The following MANBA variants were observed in gnomAD, a reference collection of about 807,000 sequenced individuals.
The protein encoded by MANBA is mannosidase beta.
Under a neutral mutation model 111.1 loss-of-function variants are expected in MANBA, and 83 were observed. The observed-to-expected ratio is 0.75, with a 90% confidence interval of 0.63 to 0.90. The LOEUF (loss-of-function observed/expected upper bound fraction) is 0.90. Among genes scored for constraint, MANBA ranks in the 40% least tolerant of loss-of-function variants. The pLI is 0.00. For missense variants in MANBA, 1,036 were observed against 1,069.0 expected, an observed-to-expected ratio of 0.97 and a Z score of 0.43; for synonymous variants, 370 against 378.7, an observed-to-expected ratio of 0.98 and a Z score of 0.27.
chr4:102,689,417 C>G (rs928917833), intron 7 of MANBA, among the ~76,000 whole-genome samples, 157 bp downstream of exon 7: 3 of 149,966 alleles, frequency 2.0e-5, no homozygotes, highest in African/African-American at 7.3e-5. Context: ...TATACACACA[C>G]AGAGAGAGAA....
intron 13 of MANBA, among the ~76,000 whole-genome samples, chr4:102,643,251 A>G (rs1729959372): frequency 6.6e-6 from 1 of 152,170 alleles, no homozygotes; most frequent in African/African-American, 2.4e-5. Context: ...TTATTTCTGA[A>G]TAATATTTTA....
At chr4:102,674,860 A>C (rs1248587280) in intron 7 of MANBA, among the ~76,000 whole-genome samples, 1 of 152,262 alleles carries the variant, frequency 6.6e-6, no homozygotes, top group Non-Finnish European at 1.5e-5. Flanking sequence ...GCCTAGCCTT[A>C]AGCCAAAAGC....
At chr4:102,680,540 G>T (rs1430003442) in intron 7 of MANBA, among the ~76,000 whole-genome samples, 2 of 151,366 alleles carry the variant, frequency 1.3e-5, no homozygotes, top group Non-Finnish European at 2.9e-5. Flanking sequence ...TCCCATCAAT[G>T]AGGTGAGATG....
chr4:102,751,890 G>A, intron 1 of MANBA: 1 of 593,260 alleles, frequency 1.7e-6, no homozygotes, highest in Non-Finnish European at 3.3e-6. Context: ...TGCCTCTATG[G>A]ATCCAACTAT....
intron 12 of MANBA, among the ~76,000 whole-genome samples, chr4:102,653,644 A>T (rs1730438660): frequency 6.6e-6 from 1 of 152,198 alleles, no homozygotes; most frequent in South Asian, 2.1e-4. Context: ...AAATCAAGAG[A>T]TAACAAATGA....
chr4:102,747,573 CATTCA>C (rs1723635969), intron 1 of MANBA, among the ~76,000 whole-genome samples: 1 of 152,186 alleles, frequency 6.6e-6, no homozygotes, highest in South Asian at 2.1e-4. Flanking sequence ...CACAATGTTT[CATTCA>C]GAAGCTATAG....
At chr4:102,736,292 T>C (rs1224242066) in intron 1 of MANBA, among the ~76,000 whole-genome samples, 1 of 152,214 alleles carries the variant, frequency 6.6e-6, no homozygotes, top group Non-Finnish European at 1.5e-5. Flanking sequence ...ATGCCGTGTG[T>C]GCCTCGGCTA....
At chr4:102,731,170 C>T (rs139023426) in intron 1 of MANBA, among the ~76,000 whole-genome samples, 1 of 151,780 alleles carries the variant, frequency 6.6e-6, no homozygotes, top group African/African-American at 2.4e-5. Flanking sequence ...AAGTAAATTG[C>T]CTTGCTGAAA....
Position 102,760,947 on chromosome 4 carries a change from G to T in MANBA, c.-53C>A, listed in dbSNP as rs1302921510. On this transcript the variant is annotated 5_prime_UTR_variant, in exon 1 of 17. Transcript: ENST00000647097. ...GAGAGATCGAAAGGCAGCGCTGCAA[G>T]GGACCGGCGGTGAAGCCACTCACCC... The T allele has an allele frequency of 6.6e-6, 10 of 1,510,008 alleles. No homozygotes were observed. Among genetic ancestry groups the T allele is most frequent in the African/African-American group, 1.4e-5 (1 of 72,668 alleles). 93.5% of individuals were successfully genotyped at this position (1,510,008 alleles called of 1,614,324 possible).
intron 5 of MANBA, among the ~76,000 whole-genome samples, chr4:102,695,713 T>C (rs1212985005): frequency 1.3e-5 from 2 of 152,122 alleles, no homozygotes; most frequent in Non-Finnish European, 2.9e-5. Flanking sequence ...CTCTCGACTT[T>C]CCATGAGCCT....
intron 13 of MANBA, among the ~76,000 whole-genome samples, chr4:102,642,889 T>C (rs1318371506): frequency 6.6e-6 from 1 of 152,124 alleles, no homozygotes; most frequent in East Asian, 1.9e-4. Context: ...TCCCTCAATA[T>C]CTATATACTT....
At position 102,634,881 on chromosome 4, in the gene MANBA, G is replaced by A; in HGVS notation, c.2322C>T (p.Tyr774=). The change falls in exon 16 of 17, where the codon TAC becomes TAT. Residue 774 remains tyrosine (Y), a synonymous_variant. Transcript: ENST00000647097. The part of the protein sequence containing the change: ...CTRESCVVSF[Y]LSADHELLSP... ...TCAGGAGTTCATGGTCAGCTGAAAG[G>A]TAAAAGGAAACCACACAGCTTTCCC... is the stretch of plus-strand genomic sequence containing the variant. 6.2e-7 allele frequency: 1 copy of A among 1,614,204 alleles called. No homozygotes were observed. Among genetic ancestry groups the A allele is most frequent in the Admixed American group, 1.7e-5 (1 of 60,024 alleles).
In MANBA at chr4:102,709,305, AG is replaced by A. The variant is rs752349160; in HGVS notation, c.673+5132del. Among the ~76,000 whole-genome samples, 153 of 137,938 alleles carry A rather than the reference AG, an allele frequency of 1.1e-3. 2 individuals are homozygous for A. The highest frequency in any genetic ancestry group is 2.5e-3 in the African/African-American group (84 of 33,256). 90.5% of individuals were successfully genotyped at this position (137,938 alleles called of 152,430 possible). On this transcript the variant is annotated intron_variant, in intron 5 of 16. Coordinates refer to ENST00000647097, the MANE Select transcript of MANBA (RefSeq NM_005908.4). The stretch of plus-strand genomic sequence containing the variant: ...AAGAAAGGAAGGAAGGAAGGAAGGA[AG>A]GAAGGAAGAAAAGAAAAGAAAAAGA...
At chr4:102,648,761 A>G (rs747253065) in intron 13 of MANBA, among the ~76,000 whole-genome samples, 1 of 152,164 alleles carries the variant, frequency 6.6e-6, no homozygotes, top group Non-Finnish European at 1.5e-5. Context: ...AAAATCCAGC[A>G]AGGTGCATGC....
chr4:102,639,909 C>T, intron 13 of MANBA, 52 bp from the exon 14 acceptor site: 1 of 1,599,350 alleles, frequency 6.3e-7, no homozygotes, highest in Non-Finnish European at 8.6e-7. Context: ...TGTAGACTGC[C>T]TAGATCTGAG....
At chr4:102,700,960 G>A (rs1289788349) in intron 5 of MANBA, among the ~76,000 whole-genome samples, 2 of 151,954 alleles carry the variant, frequency 1.3e-5, no homozygotes, top group African/African-American at 2.4e-5. Context: ...ACAGTGGGGT[G>A]TTAAAGTCTC....
chr4:102,685,601 T>C (rs185620988), intron 7 of MANBA, among the ~76,000 whole-genome samples: 2 of 152,160 alleles, frequency 1.3e-5, no homozygotes, highest in Non-Finnish European at 2.9e-5. Flanking sequence ...ACTACCTCCC[T>C]GCTTTCTAAC....
At chr4:102,752,662 A>G in intron 1 of MANBA, 1 of 546,180 alleles carries the variant, frequency 1.8e-6, no homozygotes, top group Admixed American at 2.0e-5. Flanking sequence ...TAAATTGATC[A>G]TAGAGATTCT....
At chr4:102,705,267 G>A (rs1733245018) in intron 5 of MANBA, among the ~76,000 whole-genome samples, 1 of 152,148 alleles carries the variant, frequency 6.6e-6, no homozygotes, top group South Asian at 2.1e-4. Context: ...CAGCCCCCAG[G>A]ACTAGTATAG....
Sources: gnomAD v4.1 joint callset for allele counts (sites outside exome capture counted in the v4.1 genomes callset) on GRCh38, gnomAD v4.1.1 for gene constraint, MANE v1.5 for transcripts, NCBI Gene and HGNC (gene_info 2026-07-23, HGNC 2026-07-21) for gene names.